Variants in TAF13 observed in about 807,000 individuals in gnomAD.
The protein encoded by TAF13 is TATA-box binding protein associated factor 13, also known as transcription initiation factor TFIID subunit 13.
Under a neutral mutation model 18.7 loss-of-function variants are expected in TAF13, and 9 were observed. The ratio of observed to expected loss-of-function variants is 0.48; its 90% CI spans 0.29 to 0.84. The LOEUF (loss-of-function observed/expected upper bound fraction) is 0.84, where lower values mean the gene tolerates loss of function less well. Among genes scored for constraint, TAF13 ranks in the 40% least tolerant of loss-of-function variants. The probability of loss-of-function intolerance (pLI) is 0.08; values close to 1 mark genes in which losing one functional copy is unlikely to be tolerated. For missense variants in TAF13, 105 were observed against 146.5 expected, an observed-to-expected ratio of 0.72 and a Z score of 1.46; for synonymous variants, 49 against 44.1, an observed-to-expected ratio of 1.11 and a Z score of -0.44.
chr1:109,074,313 C>A (rs894644919), intron 2 of TAF13, among the ~76,000 whole-genome samples: 2 of 152,120 alleles, frequency 1.3e-5, no homozygotes, highest in African/African-American at 2.4e-5. Flanking sequence ...TGCTGTGTCC[C>A]CTCAGGGTTA....
chr1:109,069,220 T>TGC (rs57415980), intron 2 of TAF13, among the ~76,000 whole-genome samples: 9,133 of 151,832 alleles, frequency 0.06, 317 homozygotes, highest in African/African-American at 0.075. Flanking sequence ...TGTGTGTGTG[T>TGC]GCGCACATGT....
intron 2 of TAF13, among the ~76,000 whole-genome samples, chr1:109,066,698 A>C (rs1663956702): frequency 6.6e-6 from 1 of 151,926 alleles, no homozygotes; most frequent in African/African-American, 2.4e-5. Flanking sequence ...CAGTTCTCCA[A>C]ATACTTTTTT....
chr1:109,064,373 TAA>T lies in TAF13; in HGVS notation c.*148_*149del. On this transcript the variant is annotated 3_prime_UTR_variant, in exon 4 of 4. Transcript: ENST00000338366. ...GCAATTACATGCACCAATATCACCCTAAAATCAAAGGCATAAAAATAAAGGCT... is the reference window on the plus strand; with the variant it reads ...GCAATTACATGCACCAATATCACCCTAATCAAAGGCATAAAAATAAAGGCT... The T allele has an allele frequency of 1.5e-6, 1 of 653,640 alleles. No homozygotes were observed. The highest frequency in any genetic ancestry group is 2.2e-6 in the Non-Finnish European group (1 of 444,930). 40.5% of individuals were successfully genotyped at this position (653,640 alleles called of 1,614,324 possible).
chr1:109,075,181 C>CAAA, intron 1 of TAF13, 116 bp from the exon 2 acceptor site: 3 of 626,462 alleles, frequency 4.8e-6, no homozygotes, highest in Non-Finnish European at 7.5e-6. Context: ...AAGGAAGCAG[C>CAAA]AAAAAAAAAA....
Position 109,074,111 on chromosome 1 carries a change from C to T in TAF13, c.106+876G>A, listed in dbSNP as rs1229680886. On this transcript the variant is annotated intron_variant, in intron 2 of 3. Transcript: ENST00000338366. Reference sequence around the variant, plus strand: ...GTTCATTGAGAACGGGCCATGATGACGATGGCGGTTTTGTCGAATAGAAAA... The same window carrying T: ...GTTCATTGAGAACGGGCCATGATGATGATGGCGGTTTTGTCGAATAGAAAA... 9.2e-5 allele frequency among the ~76,000 whole-genome samples: 14 copies of T among 152,198 alleles called. 1 individual carries two copies. The highest frequency in any genetic ancestry group is 9.2e-4 in the Admixed American group (14 of 15,280).
At position 109,075,271 on chromosome 1, in the gene TAF13, CCTAA is replaced by C. The variant is rs199927430; in HGVS notation, c.28-210_28-207del. 8.1e-3 allele frequency among the ~76,000 whole-genome samples: 1,224 copies of C among 151,824 alleles called. 8 individuals carry two copies. Among genetic ancestry groups the C allele is most frequent in the Non-Finnish European group, 0.012 (813 of 67,986 alleles). On this transcript the variant is annotated intron_variant, in intron 1 of 3. Coordinates refer to ENST00000338366, the MANE Select transcript of TAF13 (RefSeq NM_005645.4). Reference sequence around the variant, plus strand: ...ATGCAAAAATGGCTTCTACAATGTTCCTAACTAATAATCCTACTGCTTCTACTTG... The same window carrying C: ...ATGCAAAAATGGCTTCTACAATGTTCCTAATAATCCTACTGCTTCTACTTG...
intron 1 of TAF13, 87 bp from the exon 2 acceptor site, chr1:109,075,152 CAGAT>C: frequency 8.7e-7 from 1 of 1,145,556 alleles, no homozygotes; most frequent in Non-Finnish European, 1.2e-6. Context: ...TCCTTTTCAA[CAGAT>C]AGGCCAGAAA....
At chr1:109,072,016 A>T (rs1571298843) in intron 2 of TAF13, among the ~76,000 whole-genome samples, 7 of 4,458 alleles carry the variant, frequency 1.6e-3, no homozygotes, top group South Asian at 8.8e-3. Flanking sequence ...ATATATATAC[A>T]CACACATATA....
intron 2 of TAF13, 94 bp downstream of exon 2, chr1:109,074,893 A>T: frequency 2.2e-6 from 2 of 914,086 alleles, no homozygotes; most frequent in Non-Finnish European, 3.4e-6. Flanking sequence ...TATTATCCCT[A>T]CAGGGAAACA....
intron 2 of TAF13, among the ~76,000 whole-genome samples, chr1:109,074,473 A>G (rs1227485246): frequency 6.6e-6 from 1 of 152,214 alleles, no homozygotes; most frequent in African/African-American, 2.4e-5. Context: ...TAGGAAAACC[A>G]GAGACCCTTG....
chr1:109,069,097 TAA>T (rs1273043801), intron 2 of TAF13, among the ~76,000 whole-genome samples: 1 of 152,214 alleles, frequency 6.6e-6, no homozygotes, highest in Non-Finnish European at 1.5e-5. Context: ...GGAATAATTA[TAA>T]CTTTTATCAG....
chr1:109,074,257 T>C (rs1442395770), intron 2 of TAF13, among the ~76,000 whole-genome samples: 2 of 152,248 alleles, frequency 1.3e-5, no homozygotes, highest in Non-Finnish European at 2.9e-5. Context: ...CTTGGGATGC[T>C]ATTAATCTAT....
chr1:109,065,935 A>G (rs1442763720), intron 3 of TAF13, among the ~76,000 whole-genome samples, 200 bp downstream of exon 3: 1 of 151,848 alleles, frequency 6.6e-6, no homozygotes, highest in Admixed American at 6.6e-5. Flanking sequence ...AAAAAAAAAA[A>G]ACAAAAGGAA....
chr1:109,071,202 AGGCCGAGTGGG>A (rs1664044388), intron 2 of TAF13, among the ~76,000 whole-genome samples: 2 of 152,220 alleles, frequency 1.3e-5, no homozygotes, highest in African/African-American at 4.8e-5. Context: ...GCACTTTGGG[AGGCCGAGTGGG>A]GTGGATCACC....
In TAF13 at chr1:109,075,001, A is replaced by G. The variant is rs1060505030; in HGVS notation, c.92T>C (p.Leu31Pro). The change falls in exon 2 of 4, where the codon CTT becomes CCT. Residue 31 changes from leucine to proline, a missense_variant. Transcript: ENST00000338366. ...AEGGQGKRKR[L>P]FSKELRCMMY... ...ATACTACTTACATTCTTTAGAAAAAAGTCTCTTTCTTTTACCCTGTCCACC... is the reference window on the plus strand; with the variant it reads ...ATACTACTTACATTCTTTAGAAAAAGGTCTCTTTCTTTTACCCTGTCCACC... 6.3e-7 allele frequency: 1 copy of G among 1,598,414 alleles called. No individual in the cohort carries two copies. Among genetic ancestry groups the G allele is most frequent in the African/African-American group, 1.4e-5 (1 of 73,990 alleles).
At chr1:109,071,841 A>G (rs558681967) in intron 2 of TAF13, among the ~76,000 whole-genome samples, 1 of 150,976 alleles carries the variant, frequency 6.6e-6, no homozygotes, top group African/African-American at 2.4e-5. Context: ...AGTCCCAGCT[A>G]CTCAGGAGGC....
At chr1:109,073,698 G>A (rs1166019957) in intron 2 of TAF13, among the ~76,000 whole-genome samples, 1 of 152,170 alleles carries the variant, frequency 6.6e-6, no homozygotes, top group East Asian at 1.9e-4. Context: ...GTGCAGTGGC[G>A]TGATCTCGGC....
intron 2 of TAF13, among the ~76,000 whole-genome samples, chr1:109,072,641 C>A (rs1348007065): frequency 9.2e-5 from 14 of 151,906 alleles, no homozygotes; most frequent in African/African-American, 2.7e-4. Flanking sequence ...GAGAGGGTTT[C>A]ACTATGTTGC....
At chr1:109,071,993 TATATATATATATATATATATACACACAC>T (rs1664070726) in intron 2 of TAF13, among the ~76,000 whole-genome samples, 1 of 2,770 alleles carries the variant, frequency 3.6e-4, no homozygotes, top group African/African-American at 6.8e-4. Context: ...TATATATATA[TATATATATATATATATATATACACACAC>T]ATATATATAT....
Sources: gnomAD v4.1 joint callset for allele counts (sites outside exome capture counted in the v4.1 genomes callset) on GRCh38, gnomAD v4.1.1 for gene constraint, MANE v1.5 for transcripts, NCBI Gene and HGNC (gene_info 2026-07-23, HGNC 2026-07-21) for gene names.